CHN2: variants seen among roughly 807,000 people sequenced by gnomAD.
CHN2 encodes chimerin 2.
Under a neutral mutation model 56.3 loss-of-function variants are expected in CHN2, and 35 were observed. The observed-to-expected ratio is 0.62, with a 90% CI of 0.47 to 0.82. The LOEUF (loss-of-function observed/expected upper bound fraction) is 0.82, where lower values mean the gene tolerates loss of function less well. Ranked by LOEUF, CHN2 falls within the 40% of genes least tolerant of loss-of-function variation. The pLI is 0.00. For missense variants in CHN2, 491 were observed against 580.5 expected, an observed-to-expected ratio of 0.85 and a Z score of 1.58; for synonymous variants, 210 against 212.8, an observed-to-expected ratio of 0.99 and a Z score of 0.12.
chr7:29,429,660 T>C (rs1209744635), intron 6 of CHN2, among the ~76,000 whole-genome samples: 1 of 152,202 alleles, frequency 6.6e-6, no homozygotes, highest in Non-Finnish European at 1.5e-5. Flanking sequence ...GAAAATGTGA[T>C]TGAGTTTTAT....
At chr7:29,417,976 G>A (rs1357197064) in intron 6 of CHN2, among the ~76,000 whole-genome samples, 4 of 152,126 alleles carry the variant, frequency 2.6e-5, no homozygotes, top group Admixed American at 6.5e-5. Flanking sequence ...CTGGAGAGTC[G>A]CTTCTGAAGA....
At chr7:29,377,899 A>G (rs1800197427) in intron 3 of CHN2, among the ~76,000 whole-genome samples, 1 of 152,242 alleles carries the variant, frequency 6.6e-6, no homozygotes. Flanking sequence ...TTCTGTGGAA[A>G]GAAATTAAAT....
At chr7:29,253,942 T>G (rs1485236126) in intron 1 of CHN2, among the ~76,000 whole-genome samples, 2 of 152,190 alleles carry the variant, frequency 1.3e-5, no homozygotes, top group Non-Finnish European at 2.9e-5. Context: ...TCTTGCTCTG[T>G]CGCCCAGGCT....
intron 6 of CHN2, among the ~76,000 whole-genome samples, chr7:29,456,083 C>T (rs1298362058): frequency 6.6e-6 from 1 of 152,172 alleles, no homozygotes; most frequent in African/African-American, 2.4e-5. Context: ...AGACTTGTCC[C>T]TAAATATGTC....
chr7:29,385,267 C>T (rs1397153327), intron 3 of CHN2, among the ~76,000 whole-genome samples: 1 of 152,018 alleles, frequency 6.6e-6, no homozygotes, highest in Non-Finnish European at 1.5e-5. Flanking sequence ...TGCTTATTTG[C>T]ATTTTTGGTT....
chr7:29,424,318 C>T (rs191834694), intron 6 of CHN2, among the ~76,000 whole-genome samples: 52 of 152,276 alleles, frequency 3.4e-4, no homozygotes, highest in African/African-American at 1.2e-3. Flanking sequence ...TAGAGAAACA[C>T]ATAGGGAAGA....
chr7:29,431,788 C>A (rs930395843), intron 6 of CHN2, among the ~76,000 whole-genome samples: 1 of 152,158 alleles, frequency 6.6e-6, no homozygotes, highest in Non-Finnish European at 1.5e-5. Context: ...TAGCAATGCA[C>A]AGATTCTCCA....
chr7:29,352,350 C>CTTGT (rs1194707325), intron 1 of CHN2, among the ~76,000 whole-genome samples: 1 of 149,862 alleles, frequency 6.7e-6, no homozygotes. Flanking sequence ...TGCAGTCTGT[C>CTTGT]GTGTGTGTGT....
At chr7:29,373,771 C>T (rs143649195) in intron 3 of CHN2, among the ~76,000 whole-genome samples, 5 of 152,252 alleles carry the variant, frequency 3.3e-5, no homozygotes, top group East Asian at 3.9e-4. Flanking sequence ...GTCTTAGGCA[C>T]GTCTGGAAGA....
At chr7:29,380,244 G>A (rs574845707) in intron 3 of CHN2, among the ~76,000 whole-genome samples, 24 of 151,980 alleles carry the variant, frequency 1.6e-4, no homozygotes, top group African/African-American at 5.5e-4. Context: ...AGTTCTCAAA[G>A]GGGGCAATAT....
chr7:29,187,375 GAGAC>G (rs1222092629), intron 2 of CHN2, among the ~76,000 whole-genome samples: 1 of 152,030 alleles, frequency 6.6e-6, no homozygotes, highest in Admixed American at 6.6e-5. Flanking sequence ...GACAAAGAGA[GAGAC>G]AGAGAGCACT....
At chr7:29,333,975 A>G (rs936609837) in intron 1 of CHN2, among the ~76,000 whole-genome samples, 1 of 152,074 alleles carries the variant, frequency 6.6e-6, no homozygotes, top group Non-Finnish European at 1.5e-5. Context: ...TTGACAATCA[A>G]TGGATTTGAC....
intron 1 of CHN2, among the ~76,000 whole-genome samples, chr7:29,197,600 T>C (rs976792167): frequency 6.6e-6 from 1 of 152,234 alleles, no homozygotes; most frequent in Non-Finnish European, 1.5e-5. Context: ...GGTGGAGACA[T>C]GAATCCAACA....
chr7:29,507,453 T>A, intron 11 of CHN2, 88 bp downstream of exon 11: 1 of 988,404 alleles, frequency 1.0e-6, no homozygotes, highest in Non-Finnish European at 1.5e-6. Context: ...CAGAACTGTT[T>A]AAATTATTGC....
intron 6 of CHN2, among the ~76,000 whole-genome samples, chr7:29,454,645 CCCT>C (rs1214348613): frequency 6.6e-6 from 1 of 152,170 alleles, no homozygotes; most frequent in East Asian, 1.9e-4. Flanking sequence ...TTGCCCAGTG[CCCT>C]CCTCTTTCTG....
At chr7:29,403,395 T>G (rs1237419582) in intron 6 of CHN2, among the ~76,000 whole-genome samples, 1 of 152,058 alleles carries the variant, frequency 6.6e-6, no homozygotes, top group African/African-American at 2.4e-5. Flanking sequence ...ATGAGCAGGT[T>G]TCCTAATATT....
intron 3 of CHN2, among the ~76,000 whole-genome samples, chr7:29,388,340 A>G (rs1801094440): frequency 6.6e-6 from 1 of 152,338 alleles, no homozygotes; most frequent in South Asian, 2.1e-4. Context: ...TAATGGAGAC[A>G]TGTAAAAGGA....
At chr7:29,164,794 A>AC (rs1282331293) in intron 2 of CHN2, among the ~76,000 whole-genome samples, 2 of 151,640 alleles carry the variant, frequency 1.3e-5, no homozygotes, top group African/African-American at 4.8e-5. Context: ...AAAAAAAAAA[A>AC]AAAAAAACAA....
At chr7:29,202,542 T>C (rs557469654) in intron 1 of CHN2, among the ~76,000 whole-genome samples, 7 of 152,326 alleles carry the variant, frequency 4.6e-5, no homozygotes, top group Non-Finnish European at 1.0e-4. Context: ...GTTGAGGCCA[T>C]TGGATTCAGA....
Sources: allele counts gnomAD v4.1 joint callset (sites outside exome capture counted in the v4.1 genomes callset), GRCh38; gene constraint gnomAD v4.1.1; transcripts MANE v1.5; gene names NCBI Gene and HGNC (gene_info 2026-07-23, HGNC 2026-07-21).